Variants in SLC22A23 observed in about 807,000 individuals in gnomAD.
SLC22A23 encodes the protein solute carrier family 22 member 23.
SLC22A23 carries 26 observed loss-of-function variants against 61.0 expected under a neutral mutation model. That is an observed-to-expected ratio of 0.43 (90% CI 0.31 to 0.59). SLC22A23 has a LOEUF of 0.59. Ranked by LOEUF, SLC22A23 falls within the 20% of genes least tolerant of loss-of-function variation. The probability of loss-of-function intolerance (pLI) is 0.11; values close to 1 mark genes in which losing one functional copy is unlikely to be tolerated. For missense variants in SLC22A23, 796 were observed against 934.7 expected, an observed-to-expected ratio of 0.85 and a Z score of 1.94; for synonymous variants, 430 against 413.9, an observed-to-expected ratio of 1.04 and a Z score of -0.47.
In SLC22A23 at chr6:3,308,447, T is replaced by C. The variant is rs1762139801; in HGVS notation, c.1083-10229A>G. On this transcript the variant is annotated intron_variant, in intron 4 of 9. Transcript: ENST00000406686. The surrounding 1 kb of genome is among the most constrained non-coding windows in gnomAD (Gnocchi z 5.1). ...TCTCACTCTAAACATTCCCTTCCTTTTAGATTGGCACACATTTGCCCACCT... is the reference window on the plus strand; with the variant it reads ...TCTCACTCTAAACATTCCCTTCCTTCTAGATTGGCACACATTTGCCCACCT... Among the ~76,000 whole-genome samples, 1 of 152,146 alleles carries C rather than the reference T, an allele frequency of 6.6e-6. No homozygotes were observed. The highest frequency in any genetic ancestry group is 6.5e-5 in the Admixed American group (1 of 15,272).
At chr6:3,298,533 T>G (rs1581643030) in intron 4 of SLC22A23, among the ~76,000 whole-genome samples, 2 of 150,248 alleles carry the variant, frequency 1.3e-5, no homozygotes, top group African/African-American at 4.9e-5. Context: ...CTGGGAAGGG[T>G]GGGGGGAAAC....
chr6:3,345,927 G>T (rs1021384572), intron 3 of SLC22A23, among the ~76,000 whole-genome samples: 1 of 151,940 alleles, frequency 6.6e-6, no homozygotes, highest in Non-Finnish European at 1.5e-5. Flanking sequence ...TTCTTATTTT[G>T]GTGTCTCCCG....
chr6:3,274,612 T>G (rs1432215537), intron 9 of SLC22A23, among the ~76,000 whole-genome samples: 1 of 152,220 alleles, frequency 6.6e-6, no homozygotes, highest in Non-Finnish European at 1.5e-5. Context: ...GTTCTCTTGG[T>G]TGGCACTATA....
rs1425522307 is a variant in SLC22A23, at chr6:3,456,375, G to C, written c.185C>G (p.Pro62Arg). The C allele has an allele frequency of 7.1e-6, 11 of 1,541,338 alleles. No homozygotes were observed. The highest frequency in any genetic ancestry group is 2.0e-5 in the Admixed American group (1 of 50,792). The change falls in exon 1 of 10, where the codon CCG becomes CGG. Residue 62 changes from proline to arginine, a missense_variant. Pro to Arg is a moderately radical substitution (Grantham distance 103). Transcript: ENST00000406686. This position sits in a 1 kb window ranked among gnomAD's most constrained non-coding sequence, Gnocchi z 7.1. Reference protein sequence around the residue: ...PLPPLHPGGGPHPSCCSAAAA... With the variant: ...PLPPLHPGGGRHPSCCSAAAA... ...AGCCGCGGAGCAGCAGCTCGGGTGC[G>C]GGCCGCCTCCAGGATGCAGTGGGGG... is the stretch of plus-strand genomic sequence containing the variant.
chr6:3,348,850 T>A (rs1332010828), intron 3 of SLC22A23, among the ~76,000 whole-genome samples: 4 of 152,226 alleles, frequency 2.6e-5, no homozygotes, highest in African/African-American at 9.6e-5. Context: ...CGGGTCCCCA[T>A]GACCCAGAGC....
intron 1 of SLC22A23, among the ~76,000 whole-genome samples, chr6:3,447,387 T>C (rs1241804633): frequency 6.6e-6 from 1 of 152,202 alleles, no homozygotes; most frequent in African/African-American, 2.4e-5. Flanking sequence ...CCTTTCTTTC[T>C]ACACGCTTAA....
rs932322593 is a variant in SLC22A23, at chr6:3,390,327, G to T, written c.913+19861C>A. ...ACTACTCAATTAGATTTTAAAAGAT[G>T]CCCCTCTGTCAGAATGCAGAGAGAT... On this transcript the variant is annotated intron_variant, in intron 3 of 9. Transcript: ENST00000406686. The surrounding 1 kb of genome is among the most constrained non-coding windows in gnomAD (Gnocchi z 4.0). 2.0e-5 allele frequency among the ~76,000 whole-genome samples: 3 copies of T among 152,132 alleles called. No homozygotes were observed. Among genetic ancestry groups the T allele is most frequent in the African/African-American group, 7.2e-5 (3 of 41,412 alleles).
intron 3 of SLC22A23, among the ~76,000 whole-genome samples, chr6:3,379,738 G>A (rs990254049): frequency 2.0e-5 from 3 of 152,064 alleles, no homozygotes; most frequent in Non-Finnish European, 4.4e-5. Flanking sequence ...ATGTGCTTAC[G>A]TAGAAACTTA....
chr6:3,421,910 T>C (rs1770166381), intron 1 of SLC22A23, among the ~76,000 whole-genome samples: 1 of 152,242 alleles, frequency 6.6e-6, no homozygotes, highest in Non-Finnish European at 1.5e-5. Flanking sequence ...GCCTGAAGGT[T>C]AAGCACGTTA....
chr6:3,344,269 G>A (rs917871751), intron 3 of SLC22A23, among the ~76,000 whole-genome samples: 1 of 152,196 alleles, frequency 6.6e-6, no homozygotes, highest in African/African-American at 2.4e-5. Context: ...TGACATGTAA[G>A]TAAGAAGGAG....
At chr6:3,397,071 C>A (rs2127494186) in intron 3 of SLC22A23, among the ~76,000 whole-genome samples, 1 of 152,320 alleles carries the variant, frequency 6.6e-6, no homozygotes, top group Non-Finnish European at 1.5e-5. Context: ...TGTGGGGTCG[C>A]AGCCCCACAG....
intron 3 of SLC22A23, among the ~76,000 whole-genome samples, chr6:3,363,817 C>T (rs1765633653): frequency 6.6e-6 from 1 of 152,254 alleles, no homozygotes; most frequent in South Asian, 2.1e-4. Context: ...TACTCCAGTG[C>T]CCCTGCCCCC....
intron 3 of SLC22A23, among the ~76,000 whole-genome samples, chr6:3,374,763 CCCAGCACAG>C (rs1766454418): frequency 6.6e-6 from 1 of 152,166 alleles, no homozygotes; most frequent in South Asian, 2.1e-4. Flanking sequence ...CACAATGTCA[CCCAGCACAG>C]CCAGCCCTGG....
At chr6:3,350,048 T>C (rs957784769) in intron 3 of SLC22A23, among the ~76,000 whole-genome samples, 1 of 152,206 alleles carries the variant, frequency 6.6e-6, no homozygotes, top group Non-Finnish European at 1.5e-5. Flanking sequence ...AGTAGGACCA[T>C]GGTTGATAGA....
chr6:3,354,090 G>C (rs925572472), intron 3 of SLC22A23, among the ~76,000 whole-genome samples: 1 of 152,250 alleles, frequency 6.6e-6, no homozygotes, highest in African/African-American at 2.4e-5. Flanking sequence ...ATTGGATTGT[G>C]GAAATTTCGA....
chr6:3,415,879 A>C, intron 1 of SLC22A23, 24 bp from the exon 2 acceptor site: 1 of 1,498,364 alleles, frequency 6.7e-7, no homozygotes, highest in Non-Finnish European at 9.1e-7. Flanking sequence ...AATAGAAAAT[A>C]AATCAGAGAG....
At chr6:3,299,998 C>CTTTTTTTTTTTTTTTTTT (rs869114176) in intron 4 of SLC22A23, among the ~76,000 whole-genome samples, 2 of 78,802 alleles carry the variant, frequency 2.5e-5, no homozygotes, top group African/African-American at 4.4e-5. Flanking sequence ...TCAGGATAGA[C>CTTTTTTTTTTTTTTTTTT]TTTTTTTTTT....
rs1404688768 is a variant in SLC22A23 at position 3,387,037 on chromosome 6, A to T, written c.913+23151T>A. Among the ~76,000 whole-genome samples the T allele has an allele frequency of 2.0e-5, 3 of 152,274 alleles. No individual in the cohort carries two copies. The highest frequency in any genetic ancestry group is 4.4e-5 in the Non-Finnish European group (3 of 68,052). ...GAAAAACCCTACTAACCTTTAAAAA[A>T]TACACACGTTTAGAAGAGACAGCTT... On this transcript the variant is annotated intron_variant, in intron 3 of 9. Transcript: ENST00000406686. This position sits in a 1 kb window ranked among gnomAD's most constrained non-coding sequence, Gnocchi z 5.0.
chr6:3,387,578 G>A lies in SLC22A23; in HGVS notation c.913+22610C>T, dbSNP rs1000171880. Among the ~76,000 whole-genome samples, 2 of 152,218 alleles carry A rather than the reference G, an allele frequency of 1.3e-5. No homozygotes were observed. Among genetic ancestry groups the A allele is most frequent in the Admixed American group, 6.5e-5 (1 of 15,282 alleles). The stretch of plus-strand genomic sequence containing the variant: ...GTCGTTTAGTTAGTCCCACGACAAC[G>A]TCCGTTTCTCAGCTCTGGGGACCGT... On this transcript the variant is annotated intron_variant, in intron 3 of 9. Transcript: ENST00000406686. The surrounding 1 kb of genome is among the most constrained non-coding windows in gnomAD (Gnocchi z 5.0).
Sources: gnomAD v4.1 joint callset for allele counts (sites outside exome capture counted in the v4.1 genomes callset) on GRCh38, gnomAD v4.1.1 for gene constraint, Gnocchi (gnomAD v3.1) non-coding constraint, MANE v1.5 for transcripts, NCBI Gene and HGNC (gene_info 2026-07-23, HGNC 2026-07-21) for gene names.